The following FAM210A variants were observed in gnomAD, a reference collection of about 807,000 sequenced individuals.
The protein encoded by FAM210A is family with sequence similarity 210 member A.
Under a neutral mutation model 25.3 loss-of-function variants are expected in FAM210A, and 13 were observed. The ratio of observed to expected loss-of-function variants is 0.51; its 90% CI spans 0.33 to 0.82. FAM210A has a LOEUF of 0.82. Among genes scored for constraint, FAM210A ranks in the 40% least tolerant of loss-of-function variants. The pLI is 0.02. For missense variants in FAM210A, 319 were observed against 323.2 expected (o/e 0.99, Z 0.10); for synonymous variants, 125 against 118.7 (o/e 1.05, Z -0.35).
intron 2 of FAM210A, among the ~76,000 whole-genome samples, chr18:13,678,182 T>TA (rs1192731466): frequency 6.6e-6 from 1 of 152,096 alleles, no homozygotes; most frequent in East Asian, 1.9e-4. Flanking sequence ...AATTAAAAAA[T>TA]AAAAGATCAT....
chr18:13,676,583 G>A (rs919290771), intron 2 of FAM210A, among the ~76,000 whole-genome samples: 1 of 152,184 alleles, frequency 6.6e-6, no homozygotes, highest in Non-Finnish European at 1.5e-5. Context: ...AAATCAGAAC[G>A]AAGACATTCA....
At chr18:13,696,701 C>G (rs936746088) in intron 1 of FAM210A, among the ~76,000 whole-genome samples, 5 of 151,624 alleles carry the variant, frequency 3.3e-5, no homozygotes, top group Non-Finnish European at 1.5e-5. Flanking sequence ...TCATTTTTAA[C>G]AAAAAGTTTA....
intron 1 of FAM210A, among the ~76,000 whole-genome samples, chr18:13,688,742 G>C (rs1350895958): frequency 6.6e-6 from 1 of 152,268 alleles, no homozygotes; most frequent in East Asian, 1.9e-4. Flanking sequence ...AGATGGCGGA[G>C]CTAAGGCAGC....
chr18:13,696,617 A>G (rs963910669), intron 1 of FAM210A, among the ~76,000 whole-genome samples: 1 of 152,132 alleles, frequency 6.6e-6, no homozygotes, highest in African/African-American at 2.4e-5. Context: ...TGTGGTGATG[A>G]TGGTGGAGGT....
At chr18:13,672,772 A>G (rs2043454372) in intron 2 of FAM210A, among the ~76,000 whole-genome samples, 1 of 151,268 alleles carries the variant, frequency 6.6e-6, no homozygotes, top group Non-Finnish European at 1.5e-5. Flanking sequence ...ACATCACTTT[A>G]GTCTGTTATT....
chr18:13,666,142 A>C lies in FAM210A; in HGVS notation c.*338T>G, dbSNP rs1390674888. 3.0e-5 allele frequency: 7 copies of C among 235,276 alleles called. No individual in the cohort carries two copies. Among genetic ancestry groups the C allele is most frequent in the Non-Finnish European group, 5.0e-5 (6 of 119,788 alleles). 14.6% of individuals were successfully genotyped at this position (235,276 alleles called of 1,614,324 possible). ...TATGGGTCACACTGGATATTCAAGG[A>C]GTCAGCTGCCTAGTATGTGTCAATT... is the stretch of plus-strand genomic sequence containing the variant. On this transcript the variant is annotated 3_prime_UTR_variant, in exon 4 of 4. Transcript: ENST00000651643.
intron 1 of FAM210A, among the ~76,000 whole-genome samples, chr18:13,711,510 A>G (rs1347308106): frequency 6.6e-6 from 1 of 152,194 alleles, no homozygotes; most frequent in Non-Finnish European, 1.5e-5. Flanking sequence ...TTCTATTGAT[A>G]CCTTTTGGGC....
intron 1 of FAM210A, among the ~76,000 whole-genome samples, chr18:13,698,079 G>A (rs533252071): frequency 7.2e-5 from 11 of 152,066 alleles, no homozygotes; most frequent in Non-Finnish European, 1.5e-4. Flanking sequence ...CTGGCCGGGC[G>A]TGGTGGCTCA....
At chr18:13,712,650 G>C (rs1257169682) in intron 1 of FAM210A, among the ~76,000 whole-genome samples, 1 of 152,178 alleles carries the variant, frequency 6.6e-6, no homozygotes, top group East Asian at 1.9e-4. Flanking sequence ...AGGGCTGTCT[G>C]TGAGCCAGCA....
intron 1 of FAM210A, among the ~76,000 whole-genome samples, chr18:13,713,951 A>C (rs1183509126): frequency 6.6e-6 from 1 of 152,174 alleles, no homozygotes; most frequent in Non-Finnish European, 1.5e-5. Flanking sequence ...TTTAACTCTT[A>C]GTTTTCTCAA....
intron 1 of FAM210A, among the ~76,000 whole-genome samples, chr18:13,719,376 G>A (rs2043883067): frequency 2.0e-5 from 3 of 152,312 alleles, no homozygotes; most frequent in South Asian, 4.1e-4. Flanking sequence ...TGTAGAAGAA[G>A]TAAGTAAAAA....
At chr18:13,699,088 TGAGCCACCGCCTG>T (rs1171831324) in intron 1 of FAM210A, among the ~76,000 whole-genome samples, 1 of 152,202 alleles carries the variant, frequency 6.6e-6, no homozygotes, top group African/African-American at 2.4e-5. Context: ...ATTACAGGCG[TGAGCCACCGCCTG>T]GCCTCAATCT....
Position 13,668,595 on chromosome 18 carries a change from G to A in FAM210A, c.586-1882C>T, listed in dbSNP as rs146169679. On this transcript the variant is annotated intron_variant, in intron 3 of 3. Transcript: ENST00000651643. Reference sequence around the variant, plus strand: ...CAGGTGAGTCACTTAATGGGGATACGGTCTGAGAAATGTGTCATTAGGTGA... The same window carrying A: ...CAGGTGAGTCACTTAATGGGGATACAGTCTGAGAAATGTGTCATTAGGTGA... 2.6e-3 allele frequency among the ~76,000 whole-genome samples: 399 copies of A among 152,206 alleles called. 2 individuals are homozygous for A. Among genetic ancestry groups the A allele is most frequent in the Non-Finnish European group, 4.7e-3 (319 of 68,020 alleles).
chr18:13,722,817 T>C (rs542367720), intron 1 of FAM210A, among the ~76,000 whole-genome samples: 2 of 151,692 alleles, frequency 1.3e-5, no homozygotes, highest in East Asian at 3.9e-4. Flanking sequence ...AATCGGGAAT[T>C]TGAAGCCTTA....
intron 1 of FAM210A, among the ~76,000 whole-genome samples, chr18:13,688,634 A>G (rs1470777837): frequency 6.6e-6 from 1 of 152,220 alleles, no homozygotes; most frequent in Non-Finnish European, 1.5e-5. Flanking sequence ...GGGTGCCCAA[A>G]AAGGTTGTCA....
intron 1 of FAM210A, among the ~76,000 whole-genome samples, chr18:13,695,241 T>C (rs1256800763): frequency 2.6e-5 from 4 of 152,242 alleles, no homozygotes; most frequent in Non-Finnish European, 5.9e-5. Context: ...TGTGGAGAAA[T>C]AGGAACACTT....
chr18:13,703,268 A>G (rs1000854776), intron 1 of FAM210A, among the ~76,000 whole-genome samples: 1 of 152,218 alleles, frequency 6.6e-6, no homozygotes, highest in Non-Finnish European at 1.5e-5. Flanking sequence ...AGTGCCAGCT[A>G]TGGGGAAACA....
At chr18:13,696,016 G>T (rs2043690261) in intron 1 of FAM210A, among the ~76,000 whole-genome samples, 1 of 151,908 alleles carries the variant, frequency 6.6e-6, no homozygotes, top group African/African-American at 2.4e-5. Context: ...TCCCAAAATA[G>T]GTAGTATAAA....
chr18:13,671,844 G>A lies in FAM210A; in HGVS notation c.585+18C>T. 1 of 1,539,836 alleles carries A rather than the reference G, an allele frequency of 6.5e-7. No homozygotes were observed. The highest frequency in any genetic ancestry group is 1.1e-5 in the South Asian group (1 of 89,306). On this transcript the variant is annotated intron_variant, in intron 3 of 3. Coordinates refer to ENST00000651643, the MANE Select transcript of FAM210A (RefSeq NM_152352.4). ...ACCAGTGAGTTCTGAGGAGCAATGG[G>A]TTTGTTACAGTACCCACCTTAAACA...
Sources: gnomAD v4.1 joint callset for allele counts (sites outside exome capture counted in the v4.1 genomes callset) on GRCh38, gnomAD v4.1.1 for gene constraint, MANE v1.5 for transcripts, NCBI Gene and HGNC (gene_info 2026-07-23, HGNC 2026-07-21) for gene names.